Variants in CLEC19A observed in about 807,000 individuals in gnomAD.
CLEC19A encodes the protein C-type lectin domain family 19 member A.
CLEC19A carries 21 observed loss-of-function variants against 26.1 expected under a neutral mutation model. The observed-to-expected ratio is 0.80, with a 90% CI of 0.57 to 1.16. The LOEUF (loss-of-function observed/expected upper bound fraction) is 1.16. Ranked by LOEUF, CLEC19A falls within the 50% of genes most tolerant of loss-of-function variation. The probability of loss-of-function intolerance (pLI) is 0.00; values close to 1 mark genes in which losing one functional copy is unlikely to be tolerated. For missense variants in CLEC19A, 224 were observed against 227.6 expected (o/e 0.98, Z 0.10); for synonymous variants, 89 against 88.6 (o/e 1.00, Z -0.03).
At position 19,292,182 on chromosome 16, in the gene CLEC19A, G is replaced by C. The variant is rs179205; in HGVS notation, c.88+6243G>C. 1.1e-3 allele frequency among the ~76,000 whole-genome samples: 160 copies of C among 152,096 alleles called. 1 individual carries two copies. The highest frequency in any genetic ancestry group is 1.7e-3 in the Non-Finnish European group (113 of 67,998). On this transcript the variant is annotated intron_variant, in intron 1 of 4. Coordinates refer to ENST00000636231, the MANE Select transcript of CLEC19A (RefSeq NM_001256720.2). ...AATGAATGAATCAGTAATTCTACAG[G>C]CTCCATCTTTCAGTCTGGCACACTG...
intron 3 of CLEC19A, among the ~76,000 whole-genome samples, chr16:19,306,145 T>C (rs1450494524): frequency 1.0e-5 from 1 of 99,960 alleles, no homozygotes; most frequent in East Asian, 5.4e-4. Context: ...GCCCGGCCTA[T>C]TTTTTTTTTT....
At position 19,285,866 on chromosome 16, in the gene CLEC19A, A is replaced by G; in HGVS notation, c.15A>G (p.Thr5=). 2.6e-6 allele frequency: 4 copies of G among 1,550,562 alleles called. No individual in the cohort carries two copies. Among genetic ancestry groups the G allele is most frequent in the Non-Finnish European group, 3.5e-6 (4 of 1,146,980 alleles). The change falls in exon 1 of 5, where the codon ACA becomes ACG. Residue 5 remains threonine (T), a synonymous_variant. Transcript: ENST00000636231. MQRW[T]LWAAAFLTLH... ...AGGAGCTCAGGATGCAAAGGTGGAC[A>G]CTGTGGGCTGCAGCCTTCCTGACCC...
At chr16:19,300,252 T>TAATA (rs1897791465) in intron 2 of CLEC19A, among the ~76,000 whole-genome samples, 2 of 146,750 alleles carry the variant, frequency 1.4e-5, no homozygotes, top group Non-Finnish European at 3.0e-5. Flanking sequence ...AAATAAATAA[T>TAATA]AAAAAAAAGA....
At chr16:19,287,296 C>T (rs1897492236) in intron 1 of CLEC19A, among the ~76,000 whole-genome samples, 2 of 152,100 alleles carry the variant, frequency 1.3e-5, no homozygotes, top group Admixed American at 1.3e-4. Flanking sequence ...TCTCACTGTA[C>T]CCTCACATGG....
intron 1 of CLEC19A, among the ~76,000 whole-genome samples, chr16:19,291,249 C>T (rs1897577552): frequency 6.6e-6 from 1 of 152,152 alleles, no homozygotes; most frequent in African/African-American, 2.4e-5. Context: ...TAACCTACTG[C>T]CTGAGACCAA....
At chr16:19,295,102 G>A (rs1216916913) in intron 1 of CLEC19A, among the ~76,000 whole-genome samples, 1 of 152,146 alleles carries the variant, frequency 6.6e-6, no homozygotes, top group Admixed American at 6.5e-5. Flanking sequence ...CTCCTGGCAA[G>A]GGGCGGCGAT....
In CLEC19A at chr16:19,307,579, A is replaced by G. The variant is rs1486937510; in HGVS notation, c.383A>G (p.Tyr128Cys). Residue 128 changes from tyrosine (Y) to cysteine (C), a missense_variant, in exon 4 of 5, where the codon TAT (tyrosine) becomes TGT (cysteine). By Grantham distance (194) the Tyr-to-Cys change is radical. Coordinates refer to ENST00000636231, the MANE Select transcript of CLEC19A (RefSeq NM_001256720.2). ...GQFEWTDGSSYDYSYWDGSQP... is the reference protein window; with the variant it reads ...GQFEWTDGSSCDYSYWDGSQP... ...TTTGAATGGACTGATGGCTCATCCT[A>G]TGACTACAGCTACTGGGATGGCAGC... 3.9e-6 allele frequency: 6 copies of G among 1,548,248 alleles called. No homozygotes were observed. Among genetic ancestry groups the G allele is most frequent in the South Asian group, 1.2e-5 (1 of 83,964 alleles).
At chr16:19,301,742 T>TTG (rs1555467818) in intron 2 of CLEC19A, among the ~76,000 whole-genome samples, 7 of 100,534 alleles carry the variant, frequency 7.0e-5, no homozygotes, top group Middle Eastern at 4.1e-3. Flanking sequence ...TTTGGTTTTT[T>TTG]TTTTTTTTTT....
chr16:19,303,693 G>A (rs1004859513), intron 2 of CLEC19A, among the ~76,000 whole-genome samples: 4 of 152,222 alleles, frequency 2.6e-5, no homozygotes, highest in Non-Finnish European at 5.9e-5. Context: ...AGAGAGAACA[G>A]AAATGACTAG....
intron 2 of CLEC19A, among the ~76,000 whole-genome samples, chr16:19,301,171 C>G (rs1368462646): frequency 6.6e-6 from 1 of 152,204 alleles, no homozygotes; most frequent in Non-Finnish European, 1.5e-5. Flanking sequence ...AGGCTTTTCT[C>G]TAGACAGCCC....
intron 2 of CLEC19A, among the ~76,000 whole-genome samples, chr16:19,301,267 AC>A (rs1373437881): frequency 6.6e-6 from 1 of 152,226 alleles, no homozygotes; most frequent in Admixed American, 6.5e-5. Flanking sequence ...GAGAACAGGA[AC>A]TTTGGGCTAC....
At chr16:19,302,662 G>T (rs1270178499) in intron 2 of CLEC19A, among the ~76,000 whole-genome samples, 1 of 152,138 alleles carries the variant, frequency 6.6e-6, no homozygotes, top group Non-Finnish European at 1.5e-5. Flanking sequence ...CTGTCATCTG[G>T]GCCTGTGAAT....
intron 1 of CLEC19A, among the ~76,000 whole-genome samples, chr16:19,295,077 G>C (rs529015982): frequency 2.6e-5 from 4 of 152,180 alleles, no homozygotes; most frequent in African/African-American, 9.6e-5. Flanking sequence ...AATGTCTCCA[G>C]ACATTGTCCA....
intron 3 of CLEC19A, among the ~76,000 whole-genome samples, chr16:19,306,875 A>T (rs1597089952): frequency 6.6e-6 from 1 of 152,160 alleles, no homozygotes; most frequent in Admixed American, 6.5e-5. Context: ...CCATTACATG[A>T]CGTAGGCTCC....
At chr16:19,294,439 G>C (rs923965978) in intron 1 of CLEC19A, among the ~76,000 whole-genome samples, 1 of 152,244 alleles carries the variant, frequency 6.6e-6, no homozygotes, top group Non-Finnish European at 1.5e-5. Flanking sequence ...ACACCCACGT[G>C]GGGTAGGAGG....
chr16:19,307,603 G>A lies in CLEC19A; in HGVS notation c.407G>A (p.Ser136Asn). 1 of 1,548,338 alleles carries A rather than the reference G, an allele frequency of 6.5e-7. No homozygotes were observed. The highest frequency in any genetic ancestry group is 8.7e-7 in the Non-Finnish European group (1 of 1,146,800). ...TATGACTACAGCTACTGGGATGGCA[G>A]CCAGCCAGATGATGGCGTCCACGCG... ...SSYDYSYWDG[S>N]QPDDGVHADP... Residue 136 changes from serine (S) to asparagine (N), a missense_variant, in exon 4 of 5, where the codon AGC becomes AAC. Coordinates refer to ENST00000636231, the MANE Select transcript of CLEC19A (RefSeq NM_001256720.2).
At chr16:19,287,518 G>A (rs925332447) in intron 1 of CLEC19A, among the ~76,000 whole-genome samples, 6 of 152,054 alleles carry the variant, frequency 3.9e-5, no homozygotes, top group East Asian at 3.9e-4. Flanking sequence ...CCTTACTCTC[G>A]GACCTCAGTT....
intron 3 of CLEC19A, among the ~76,000 whole-genome samples, chr16:19,305,960 C>T (rs557764178): frequency 8.6e-5 from 13 of 151,910 alleles, no homozygotes; most frequent in Non-Finnish European, 1.6e-4. Context: ...TCTCCCGCCT[C>T]AGCCTCCCAA....
intron 3 of CLEC19A, chr16:19,304,374 A>C: frequency 2.5e-6 from 1 of 393,272 alleles, no homozygotes. Context: ...GTCAGAGAAA[A>C]CCTGTTTGGC....
Sources: gnomAD v4.1 joint callset for allele counts (sites outside exome capture counted in the v4.1 genomes callset) on GRCh38, gnomAD v4.1.1 for gene constraint, MANE v1.5 for transcripts, NCBI Gene and HGNC (gene_info 2026-07-23, HGNC 2026-07-21) for gene names.